HVCN1: variants seen among roughly 807,000 people sequenced by gnomAD.
HVCN1 encodes the protein hydrogen voltage gated channel 1.
Under a neutral mutation model 29.2 loss-of-function variants are expected in HVCN1, and 14 were observed. The observed-to-expected ratio is 0.48, with a 90% CI of 0.32 to 0.75. HVCN1 has a LOEUF of 0.75. Ranked by LOEUF, HVCN1 falls within the 30% of genes least tolerant of loss-of-function variation. The probability of loss-of-function intolerance (pLI) is 0.04; values close to 1 mark genes in which losing one functional copy is unlikely to be tolerated. For synonymous variants in HVCN1, 131 were observed against 133.2 expected (o/e 0.98, Z 0.11); for missense variants, 263 against 341.8 (o/e 0.77, Z 1.82).
intron 3 of HVCN1, among the ~76,000 whole-genome samples, chr12:110,678,838 G>C (rs1045428190): frequency 2.6e-5 from 4 of 152,192 alleles, no homozygotes; most frequent in Admixed American, 6.5e-5. Context: ...CACAGTTTTG[G>C]GGGGACACGC....
chr12:110,669,188 C>T (rs1447813778), intron 3 of HVCN1, among the ~76,000 whole-genome samples: 1 of 152,170 alleles, frequency 6.6e-6, no homozygotes, highest in African/African-American at 2.4e-5. Context: ...ACTTACCTGG[C>T]TGCCCAGGCC....
Position 110,649,258 on chromosome 12 carries a change from G to C in HVCN1, c.*152C>G. The C allele has an allele frequency of 1.5e-6, 1 of 687,906 alleles. No homozygotes were observed. The highest frequency in any genetic ancestry group is 2.6e-6 in the Non-Finnish European group (1 of 377,382). The allele number at this position is 687,906 out of a possible 1,614,324, so 42.6% of individuals were successfully genotyped here. ...TTGGTGGTACTGGACCTTCCACAAG[G>C]CTGTGTCCACCCAGAATCCATGCTG... On this transcript the variant is annotated 3_prime_UTR_variant, in exon 8 of 8. Transcript: ENST00000242607.
chr12:110,651,488 C>T, intron 5 of HVCN1, 40 bp from the exon 6 acceptor site: 1 of 1,416,278 alleles, frequency 7.1e-7, no homozygotes, highest in African/African-American at 1.4e-5. Context: ...GAGATTGGGC[C>T]TCTGGGAGGT....
At position 110,655,747 on chromosome 12, in the gene HVCN1, G is replaced by A. The variant is rs149514076; in HGVS notation, c.307-409C>T. Among the ~76,000 whole-genome samples, 1,113 of 142,512 alleles carry A rather than the reference G, an allele frequency of 7.8e-3. 10 individuals are homozygous for A. Among genetic ancestry groups the A allele is most frequent in the African/African-American group, 0.012 (434 of 37,694 alleles). The allele number at this position is 142,512 out of a possible 152,430, so 93.5% of individuals were successfully genotyped here. ...TGAGACAGAGTCTTGTTTTGTCACCGAGGCTGGAGTACAGTGGCATGATCT... is the reference window on the plus strand; with the variant it reads ...TGAGACAGAGTCTTGTTTTGTCACCAAGGCTGGAGTACAGTGGCATGATCT... On this transcript the variant is annotated intron_variant, in intron 4 of 7. Coordinates refer to ENST00000242607, the MANE Select transcript of HVCN1 (RefSeq NM_032369.4).
intron 3 of HVCN1, among the ~76,000 whole-genome samples, chr12:110,674,327 T>C (rs1333304867): frequency 1.3e-5 from 2 of 152,202 alleles, no homozygotes; most frequent in African/African-American, 2.4e-5. Flanking sequence ...CTAGCTTGTT[T>C]TGATTTTTAC....
chr12:110,683,329 C>A, intron 2 of HVCN1, 65 bp from the exon 3 acceptor site: 1 of 1,509,612 alleles, frequency 6.6e-7, no homozygotes. Flanking sequence ...GGTATGTGCT[C>A]TGTAATCCTT....
At chr12:110,678,366 T>C (rs1007191879) in intron 3 of HVCN1, among the ~76,000 whole-genome samples, 2 of 152,110 alleles carry the variant, frequency 1.3e-5, no homozygotes, top group African/African-American at 4.8e-5. Context: ...CACACTGACT[T>C]GTGTACACAC....
At chr12:110,698,921 A>G (rs1301156547) in intron 2 of HVCN1, among the ~76,000 whole-genome samples, 2 of 152,236 alleles carry the variant, frequency 1.3e-5, no homozygotes, top group African/African-American at 2.4e-5. Flanking sequence ...TGAGGCCAGG[A>G]GTTCGAGACC....
chr12:110,669,076 A>G (rs766492435), intron 3 of HVCN1, among the ~76,000 whole-genome samples: 9 of 151,716 alleles, frequency 5.9e-5, no homozygotes, highest in Non-Finnish European at 1.3e-4. Flanking sequence ...CTGATGTTCA[A>G]GATCCTGCTG....
intron 3 of HVCN1, among the ~76,000 whole-genome samples, chr12:110,682,278 G>A (rs754316768): frequency 3.3e-5 from 5 of 151,722 alleles, no homozygotes; most frequent in Non-Finnish European, 7.4e-5. Flanking sequence ...GTGAGCCACC[G>A]TGCCTTTGCC....
At chr12:110,675,021 C>T (rs2068700728) in intron 3 of HVCN1, among the ~76,000 whole-genome samples, 1 of 152,128 alleles carries the variant, frequency 6.6e-6, no homozygotes, top group Non-Finnish European at 1.5e-5. Flanking sequence ...GAAAACTTTT[C>T]TGATATAAAA....
intron 4 of HVCN1, among the ~76,000 whole-genome samples, chr12:110,660,553 AT>A (rs954699934): frequency 2.0e-5 from 3 of 151,748 alleles, no homozygotes; most frequent in Non-Finnish European, 4.4e-5. Flanking sequence ...CCCTTTATTT[AT>A]TTTTTTTGTG....
At position 110,661,183 on chromosome 12, in the gene HVCN1, AAC is replaced by A; in HGVS notation, c.285_286del (p.Phe96GlnfsTer23). On this transcript the variant is annotated frameshift_variant, in exon 4 of 8. Coordinates refer to ENST00000242607, the MANE Select transcript of HVCN1 (RefSeq NM_032369.4). LOFTEE classifies it high-confidence loss of function. The surrounding 1 kb of genome is among the most constrained non-coding windows in gnomAD (Gnocchi z 6.2). ...ACCTACCTGAAACCTGTGGGAGCTG[AAC>A]AGTTTCCTCAACATGCCCCTGAAGT... The A allele has an allele frequency of 6.2e-7, 1 of 1,609,660 alleles. No homozygotes were observed. Among genetic ancestry groups the A allele is most frequent in the Non-Finnish European group, 8.5e-7 (1 of 1,176,926 alleles).
chr12:110,690,591 C>T (rs549548649), upstream of HVCN1, among the ~76,000 whole-genome samples: 3 of 152,290 alleles, frequency 2.0e-5, no homozygotes, highest in East Asian at 5.8e-4. Context: ...ATTCTCCTGC[C>T]TCAAGCCTCC....
chr12:110,700,867 G>A (rs894963787), intron 2 of HVCN1, among the ~76,000 whole-genome samples: 1 of 152,174 alleles, frequency 6.6e-6, no homozygotes, highest in Non-Finnish European at 1.5e-5. Context: ...TCGACTGTCC[G>A]ATAATTTCAG....
intron 1 of HVCN1, among the ~76,000 whole-genome samples, chr12:110,702,658 T>A (rs1010308944): frequency 2.2e-5 from 3 of 138,020 alleles, no homozygotes; most frequent in African/African-American, 8.0e-5. Context: ...AATTTTTGTA[T>A]TTTTTTTTTT....
rs751111228 is a variant in HVCN1, at chr12:110,651,168, G to C, written c.643+49C>G. 31 of 1,389,064 alleles carry C rather than the reference G, an allele frequency of 2.2e-5. No individual in the cohort carries two copies. The East Asian group carries it at 6.9e-4, about 31-fold the overall frequency. The allele number at this position is 1,389,064 out of a possible 1,614,324, so 86.0% of individuals were successfully genotyped here. On this transcript the variant is annotated intron_variant, in intron 6 of 7. Coordinates refer to ENST00000242607, the MANE Select transcript of HVCN1 (RefSeq NM_032369.4). Reference sequence around the variant, plus strand: ...CTGCGCAGTCAGGCCTTGGATGTATGCCTGGGCCCCTACTCTCCATCCACA... The same window carrying C: ...CTGCGCAGTCAGGCCTTGGATGTATCCCTGGGCCCCTACTCTCCATCCACA...
chr12:110,674,120 C>A (rs995388807), intron 3 of HVCN1, among the ~76,000 whole-genome samples: 3 of 152,260 alleles, frequency 2.0e-5, no homozygotes, highest in African/African-American at 7.2e-5. Context: ...ACTATGGGAA[C>A]CTACCTCTTG....
At chr12:110,684,547 T>G (rs1453507803) in intron 2 of HVCN1, among the ~76,000 whole-genome samples, 1 of 152,170 alleles carries the variant, frequency 6.6e-6, no homozygotes, top group African/African-American at 2.4e-5. Context: ...GGAGTCACAT[T>G]ACGGCAGAGT....
Sources: allele counts gnomAD v4.1 joint callset (sites outside exome capture counted in the v4.1 genomes callset), GRCh38; gene constraint gnomAD v4.1.1; non-coding constraint Gnocchi (gnomAD v3.1); transcripts MANE v1.5; gene names NCBI Gene and HGNC (gene_info 2026-07-23, HGNC 2026-07-21).